Variants in TAFA1 observed in about 807,000 individuals in gnomAD.
The protein encoded by TAFA1 is chemokine-like protein TAFA-1.
In TAFA1, 4 loss-of-function variants were observed where a neutral mutation model predicts 18.5. The observed-to-expected ratio is 0.22, with a 90% CI of 0.11 to 0.49. TAFA1 has a LOEUF of 0.49. TAFA1 is among the 20% of genes least tolerant of loss of function. The pLI is 0.98. For synonymous variants in TAFA1, 56 were observed against 55.2 expected, an observed-to-expected ratio of 1.01 and a Z score of -0.06; for missense variants, 147 against 169.0, an observed-to-expected ratio of 0.87 and a Z score of 0.72.
intron 2 of TAFA1, among the ~76,000 whole-genome samples, chr3:68,108,601 T>C (rs927003235): frequency 1.3e-5 from 2 of 152,056 alleles, no homozygotes; most frequent in Non-Finnish European, 2.9e-5. Context: ...CTGGAAATCA[T>C]TGCCAAACTA....
At chr3:68,045,693 T>C (rs1483610464) in intron 2 of TAFA1, among the ~76,000 whole-genome samples, 2 of 152,184 alleles carry the variant, frequency 1.3e-5, no homozygotes, top group Admixed American at 1.3e-4. Context: ...TGATTGATTA[T>C]GTCTAGCTTG....
rs142455623 is a variant in TAFA1, at chr3:68,051,140, C to T, written c.118+44396C>T. 2.6e-3 allele frequency among the ~76,000 whole-genome samples: 388 copies of T among 152,126 alleles called. 3 individuals are homozygous for T. The highest frequency in any genetic ancestry group is 8.7e-3 in the African/African-American group (362 of 41,500). On this transcript the variant is annotated intron_variant, in intron 2 of 4. Transcript: ENST00000478136. ...ATAGGGATGATAAATATACCTGGCT[C>T]GTAGGGTTGTTGGAGGAGATGGACT... is the stretch of plus-strand genomic sequence containing the variant.
At chr3:68,463,017 G>C (rs370710002) in intron 3 of TAFA1, among the ~76,000 whole-genome samples, 1 of 152,092 alleles carries the variant, frequency 6.6e-6, no homozygotes, top group East Asian at 1.9e-4. Flanking sequence ...ATGTAGATTG[G>C]GCAACTCATA....
At chr3:68,185,640 T>A (rs1391073770) in intron 2 of TAFA1, among the ~76,000 whole-genome samples, 1 of 152,126 alleles carries the variant, frequency 6.6e-6, no homozygotes, top group Non-Finnish European at 1.5e-5. Flanking sequence ...ACAGGTGCAG[T>A]GGCTCACACC....
intron 2 of TAFA1, among the ~76,000 whole-genome samples, chr3:68,213,195 A>G (rs2066616099): frequency 2.6e-5 from 4 of 152,178 alleles, no homozygotes; most frequent in Admixed American, 2.6e-4. Flanking sequence ...GTAAGTGGAA[A>G]CTGAATTTAT....
intron 2 of TAFA1, among the ~76,000 whole-genome samples, chr3:68,014,212 G>A (rs191880257): frequency 4.9e-4 from 74 of 152,280 alleles, no homozygotes; most frequent in African/African-American, 1.8e-3. Context: ...ATTTAGATAA[G>A]CTAATACACA....
At chr3:68,441,869 C>T (rs966266250) in intron 3 of TAFA1, among the ~76,000 whole-genome samples, 7 of 152,200 alleles carry the variant, frequency 4.6e-5, no homozygotes, top group Non-Finnish European at 1.0e-4. Flanking sequence ...CTTTCTAGGA[C>T]ATCCCTGAAG....
intron 2 of TAFA1, among the ~76,000 whole-genome samples, chr3:68,051,961 AAGATAAAGGACAGACTCC>A (rs1196590606): frequency 6.6e-6 from 1 of 152,178 alleles, no homozygotes; most frequent in Non-Finnish European, 1.5e-5. Flanking sequence ...ACAATTTGAG[AAGATAAAGGACAGACTCC>A]AGAATTCCTC....
chr3:68,383,372 CTA>C (rs1358996016), intron 2 of TAFA1, among the ~76,000 whole-genome samples: 3 of 152,016 alleles, frequency 2.0e-5, no homozygotes, highest in African/African-American at 7.2e-5. Context: ...AATACCTAGT[CTA>C]TTGAGAGTTT....
At chr3:68,414,718 GACCTTCAGTGCCC>G (rs1370296314) in intron 2 of TAFA1, among the ~76,000 whole-genome samples, 2 of 152,158 alleles carry the variant, frequency 1.3e-5, no homozygotes, top group Non-Finnish European at 2.9e-5. Flanking sequence ...ACAGGCTTTG[GACCTTCAGTGCCC>G]ACCTTGTTGT....
At chr3:68,330,167 G>A (rs1488043897) in intron 2 of TAFA1, among the ~76,000 whole-genome samples, 1 of 152,166 alleles carries the variant, frequency 6.6e-6, no homozygotes, top group Non-Finnish European at 1.5e-5. Context: ...GTCAAAAGAA[G>A]CTACAGGTTA....
At chr3:68,222,874 T>C (rs899359706) in intron 2 of TAFA1, among the ~76,000 whole-genome samples, 1 of 152,082 alleles carries the variant, frequency 6.6e-6, no homozygotes, top group East Asian at 1.9e-4. Context: ...GGTTTTACCA[T>C]CTTGGCCAGG....
intron 2 of TAFA1, among the ~76,000 whole-genome samples, chr3:68,376,503 A>G (rs1015645696): frequency 5.3e-5 from 8 of 152,006 alleles, no homozygotes; most frequent in African/African-American, 9.7e-5. Flanking sequence ...GAGAACATTC[A>G]GTATCTGATT....
At position 68,013,137 on chromosome 3, in the gene TAFA1, G is replaced by A. The variant is rs1288580807; in HGVS notation, c.118+6393G>A. On this transcript the variant is annotated intron_variant, in intron 2 of 4. Coordinates refer to ENST00000478136, the MANE Select transcript of TAFA1 (RefSeq NM_213609.4). ...TCCTTTTATCTCTCACTTCTACTGAGTTGACACATACTAGGTTCTCAGAAA... is the reference window on the plus strand; with the variant it reads ...TCCTTTTATCTCTCACTTCTACTGAATTGACACATACTAGGTTCTCAGAAA... 4.6e-5 allele frequency among the ~76,000 whole-genome samples: 7 copies of A among 152,066 alleles called. No individual in the cohort carries two copies. In the East Asian group the frequency reaches 1.3e-3, roughly 29 times the overall value.
intron 2 of TAFA1, among the ~76,000 whole-genome samples, chr3:68,013,223 C>T (rs1246852461): frequency 6.6e-6 from 1 of 151,954 alleles, no homozygotes. Context: ...TTAAACTGTT[C>T]CTTAGTTGTT....
chr3:68,300,780 C>T (rs1371287419), intron 2 of TAFA1, among the ~76,000 whole-genome samples: 1 of 152,100 alleles, frequency 6.6e-6, no homozygotes, highest in Admixed American at 6.5e-5. Flanking sequence ...TGAGTTCTCA[C>T]AAGATTTGAT....
chr3:68,170,863 A>AAC (rs71112619), intron 2 of TAFA1, among the ~76,000 whole-genome samples: 22,867 of 146,186 alleles, frequency 0.16, 1,934 homozygotes, highest in Middle Eastern at 0.2. Flanking sequence ...CACACACAGA[A>AAC]ACACACACAC....
chr3:68,406,958 C>T (rs142325609), intron 2 of TAFA1, among the ~76,000 whole-genome samples: 7 of 152,084 alleles, frequency 4.6e-5, no homozygotes, highest in South Asian at 2.1e-4. Context: ...ACATATCCAA[C>T]GTATAAGCCA....
intron 2 of TAFA1, among the ~76,000 whole-genome samples, chr3:68,354,431 T>C (rs1045271910): frequency 4.0e-5 from 6 of 151,780 alleles, no homozygotes; most frequent in African/African-American, 1.2e-4. Context: ...GCCTTCATTT[T>C]CCCCAATCTC....
Sources: gnomAD v4.1 joint callset for allele counts (sites outside exome capture counted in the v4.1 genomes callset) on GRCh38, gnomAD v4.1.1 for gene constraint, MANE v1.5 for transcripts, NCBI Gene and HGNC (gene_info 2026-07-23, HGNC 2026-07-21) for gene names.